The following PSD3 variants were observed in gnomAD, a reference collection of about 807,000 sequenced individuals.
PSD3 encodes the protein PH and SEC7 domain-containing protein 3.
In PSD3, 49 loss-of-function variants were observed where a neutral mutation model predicts 105.5. The observed-to-expected ratio is 0.46, with a 90% confidence interval of 0.37 to 0.59. The LOEUF (loss-of-function observed/expected upper bound fraction) is 0.59, where lower values mean the gene tolerates loss of function less well. Among genes scored for constraint, PSD3 ranks in the 20% least tolerant of loss-of-function variants. PSD3 has a pLI of 0.00. For missense variants in PSD3, 1,561 were observed against 1,263.8 expected (o/e 1.24, Z -3.57); for synonymous variants, 557 against 457.8 (o/e 1.22, Z -2.77).
chr8:18,576,725 C>G (rs1374647227), intron 12 of PSD3, among the ~76,000 whole-genome samples: 1 of 151,990 alleles, frequency 6.6e-6, no homozygotes, highest in Non-Finnish European at 1.5e-5. Flanking sequence ...ACTTAGATTC[C>G]AGACAAAAAC....
chr8:19,013,306 C>T (rs1354453605), intron 1 of PSD3, among the ~76,000 whole-genome samples: 1 of 151,902 alleles, frequency 6.6e-6, no homozygotes, highest in Non-Finnish European at 1.5e-5. Flanking sequence ...TCTCCAAAGT[C>T]TGAGGTTTTC....
intron 10 of PSD3, among the ~76,000 whole-genome samples, chr8:18,640,098 C>T (rs1391013140): frequency 6.6e-6 from 1 of 152,178 alleles, no homozygotes; most frequent in Non-Finnish European, 1.5e-5. Flanking sequence ...TGGAAGCAGA[C>T]TGTGGTCGTG....
intron 14 of PSD3, among the ~76,000 whole-genome samples, chr8:18,556,797 A>G (rs185257054): frequency 3.3e-5 from 5 of 152,342 alleles, no homozygotes; most frequent in African/African-American, 2.4e-5. Context: ...GTCTATGTGC[A>G]TATTTTTTTT....
At chr8:18,555,260 C>A (rs150281514) in intron 15 of PSD3, among the ~76,000 whole-genome samples, 1 of 152,048 alleles carries the variant, frequency 6.6e-6, no homozygotes, top group Non-Finnish European at 1.5e-5. Flanking sequence ...TGAGACGCCA[C>A]AGACACTGAT....
chr8:18,587,123 T>C (rs1281522099), intron 12 of PSD3, among the ~76,000 whole-genome samples: 1 of 152,166 alleles, frequency 6.6e-6, no homozygotes, highest in Non-Finnish European at 1.5e-5. Context: ...ATTTCTGCTA[T>C]ACTGGAATCC....
chr8:19,074,609 ATATTTTTTTT>A (rs1829394773), intron 1 of PSD3, among the ~76,000 whole-genome samples: 6 of 12,174 alleles, frequency 4.9e-4, no homozygotes, highest in African/African-American at 9.6e-4. Flanking sequence ...ATATATATAT[ATATTTTTTTT>A]TTTTTTTTTT....
intron 4 of PSD3, among the ~76,000 whole-genome samples, chr8:18,862,371 T>C (rs1003907069): frequency 5.2e-5 from 4 of 77,610 alleles, no homozygotes; most frequent in African/African-American, 2.1e-4. Flanking sequence ...GGAACTCCTT[T>C]GTGGTTTTTA....
At chr8:18,821,760 T>C (rs750825413) in intron 4 of PSD3, among the ~76,000 whole-genome samples, 55 of 133,942 alleles carry the variant, frequency 4.1e-4, no homozygotes, top group Admixed American at 6.3e-4. Context: ...CTTAAACTTC[T>C]ATACCCATGG....
chr8:18,556,799 A>AT (rs550820931), intron 14 of PSD3, among the ~76,000 whole-genome samples: 5 of 152,008 alleles, frequency 3.3e-5, no homozygotes, highest in East Asian at 1.9e-4. Context: ...CTATGTGCAT[A>AT]TTTTTTTTCC....
chr8:18,969,137 G>A (rs1206890224), intron 1 of PSD3, among the ~76,000 whole-genome samples: 2 of 152,040 alleles, frequency 1.3e-5, no homozygotes, highest in Non-Finnish European at 2.9e-5. Flanking sequence ...ATTTCTTGAG[G>A]GGAAGGAGGT....
In PSD3 at chr8:18,682,893, C is replaced by G. The variant is rs137920007; in HGVS notation, c.2173-27208G>C. On this transcript the variant is annotated intron_variant, in intron 9 of 15. Coordinates refer to ENST00000327040, the MANE Select transcript of PSD3 (RefSeq NM_015310.4). ...GAGAAGGCTGAAATGACACTGAGATCCACCTCCTGACGCTCTCTCTGCACA... is the reference window on the plus strand; with the variant it reads ...GAGAAGGCTGAAATGACACTGAGATGCACCTCCTGACGCTCTCTCTGCACA... Among the ~76,000 whole-genome samples the G allele has an allele frequency of 5.6e-4, 85 of 152,056 alleles. 1 individual carries two copies. The highest frequency in any genetic ancestry group is 1.6e-3 in the African/African-American group (68 of 41,454).
chr8:19,044,729 T>C (rs528507025), intron 1 of PSD3, among the ~76,000 whole-genome samples: 2 of 152,298 alleles, frequency 1.3e-5, no homozygotes, highest in African/African-American at 2.4e-5. Flanking sequence ...GAAAGAACTA[T>C]GGAAGTGCTA....
At chr8:18,687,143 G>A (rs529031814) in intron 9 of PSD3, among the ~76,000 whole-genome samples, 5 of 152,156 alleles carry the variant, frequency 3.3e-5, no homozygotes, top group East Asian at 3.9e-4. Flanking sequence ...CTTCTCTATC[G>A]GCTCTCACGT....
At chr8:18,825,924 A>G (rs1369975026) in intron 4 of PSD3, among the ~76,000 whole-genome samples, 2 of 152,158 alleles carry the variant, frequency 1.3e-5, no homozygotes, top group Non-Finnish European at 2.9e-5. Flanking sequence ...GGGCCACAGG[A>G]TATCTAGACA....
At chr8:18,595,141 A>G (rs570626632) in intron 12 of PSD3, among the ~76,000 whole-genome samples, 4 of 152,146 alleles carry the variant, frequency 2.6e-5, no homozygotes, top group Admixed American at 2.6e-4. Flanking sequence ...TAGTTTTGGC[A>G]TATGACCTGA....
intron 10 of PSD3, among the ~76,000 whole-genome samples, chr8:18,638,310 G>C (rs2130789445): frequency 6.8e-6 from 1 of 147,800 alleles, no homozygotes; most frequent in East Asian, 2.0e-4. Context: ...GGGAGTTTTA[G>C]GCTGAGCAAT....
chr8:18,623,185 A>G (rs1806241146), intron 11 of PSD3, among the ~76,000 whole-genome samples: 1 of 151,984 alleles, frequency 6.6e-6, no homozygotes, highest in African/African-American at 2.4e-5. Flanking sequence ...GTGTCTGGTC[A>G]CCGTTTTCTG....
chr8:18,662,208 A>C (rs1809398680), intron 9 of PSD3, among the ~76,000 whole-genome samples: 2 of 152,194 alleles, frequency 1.3e-5, no homozygotes, highest in Admixed American at 1.3e-4. Context: ...ATCTTATTGA[A>C]AGAGAATCTG....
At chr8:18,797,578 A>T (rs1437331665) in intron 8 of PSD3, among the ~76,000 whole-genome samples, 1 of 152,202 alleles carries the variant, frequency 6.6e-6, no homozygotes, top group African/African-American at 2.4e-5. Flanking sequence ...ATGCTGAGAT[A>T]TCTAATAAAA....
Sources: gnomAD v4.1 joint callset for allele counts (sites outside exome capture counted in the v4.1 genomes callset) on GRCh38, gnomAD v4.1.1 for gene constraint, MANE v1.5 for transcripts, NCBI Gene and HGNC (gene_info 2026-07-23, HGNC 2026-07-21) for gene names.